Variants in SLC7A11 observed in about 807,000 individuals in gnomAD.
The protein encoded by SLC7A11 is cystine/glutamate transporter.
SLC7A11 carries 35 observed loss-of-function variants against 54.5 expected under a neutral mutation model. The ratio of observed to expected loss-of-function variants is 0.64; its 90% confidence interval spans 0.49 to 0.85. The LOEUF is 0.85. Among genes scored for constraint, SLC7A11 ranks in the 40% least tolerant of loss-of-function variants. The probability of loss-of-function intolerance (pLI) is 0.00; values close to 1 mark genes in which losing one functional copy is unlikely to be tolerated. For missense variants in SLC7A11, 583 were observed against 618.1 expected (o/e 0.94, Z 0.60); for synonymous variants, 230 against 225.2 (o/e 1.02, Z -0.19).
intron 6 of SLC7A11, among the ~76,000 whole-genome samples, chr4:138,194,909 C>A (rs1419570471): frequency 6.6e-6 from 1 of 152,130 alleles, no homozygotes; most frequent in African/African-American, 2.4e-5. Flanking sequence ...TAATAGAATT[C>A]TTTGAAAACT....
chr4:138,200,317 C>G (rs1737246528), intron 6 of SLC7A11, among the ~76,000 whole-genome samples: 2 of 152,080 alleles, frequency 1.3e-5, no homozygotes, highest in Admixed American at 6.6e-5. Flanking sequence ...TAATTGTAAA[C>G]TTTCTATTTT....
At chr4:138,217,939 T>A (rs967696548) in intron 5 of SLC7A11, among the ~76,000 whole-genome samples, 1 of 152,202 alleles carries the variant, frequency 6.6e-6, no homozygotes, top group Non-Finnish European at 1.5e-5. Context: ...AAATACTGAG[T>A]GATTCAAAAC....
intron 6 of SLC7A11, among the ~76,000 whole-genome samples, chr4:138,198,732 T>G (rs1737200327): frequency 6.6e-6 from 1 of 152,188 alleles, no homozygotes; most frequent in Admixed American, 6.6e-5. Flanking sequence ...ATATGAAATG[T>G]ATAATCCAGA....
chr4:138,229,750 T>C (rs973285485), intron 3 of SLC7A11, among the ~76,000 whole-genome samples: 3 of 152,222 alleles, frequency 2.0e-5, no homozygotes, highest in African/African-American at 7.2e-5. Flanking sequence ...TTATCTAGAC[T>C]TATAAAAACA....
rs1578622418 is a variant in SLC7A11 at position 138,169,845 on chromosome 4, C to G, written c.*2111G>C. ...GAATTATAAATCAAATTTTGAAAAC[C>G]CTATGCTAAGGAAGGAAGGAGTTAT... On this transcript the variant is annotated 3_prime_UTR_variant, in exon 12 of 12. Coordinates refer to ENST00000280612, the MANE Select transcript of SLC7A11 (RefSeq NM_014331.4). 2 of 151,656 alleles carry G rather than the reference C, an allele frequency of 1.3e-5. No homozygotes were observed. Among genetic ancestry groups the G allele is most frequent in the East Asian group, 3.9e-4 (2 of 5,148 alleles). 9.4% of individuals were successfully genotyped at this position (151,656 alleles called of 1,614,324 possible).
chr4:138,187,985 TAAAC>T (rs547916454), intron 6 of SLC7A11, among the ~76,000 whole-genome samples: 122 of 152,232 alleles, frequency 8.0e-4, no homozygotes, highest in African/African-American at 2.8e-3. Flanking sequence ...GCTTAAAATA[TAAAC>T]AAAGGAGAAA....
intron 6 of SLC7A11, among the ~76,000 whole-genome samples, chr4:138,207,579 C>T (rs1269648414): frequency 1.3e-5 from 2 of 152,032 alleles, no homozygotes; most frequent in African/African-American, 4.8e-5. Flanking sequence ...GTGGCACATG[C>T]TTGTAATTCC....
chr4:138,236,143 A>C (rs1738200625), intron 2 of SLC7A11, among the ~76,000 whole-genome samples, 182 bp downstream of exon 2: 1 of 152,196 alleles, frequency 6.6e-6, no homozygotes, highest in Admixed American at 6.5e-5. Flanking sequence ...GTCAGTGATA[A>C]AATTGCATTA....
chr4:138,170,279 C>CACACACAG lies in SLC7A11; in HGVS notation c.*1676_*1677insCTGTGTGT, dbSNP rs1736391646. 1 of 99,946 alleles carries CACACACAG rather than the reference C, an allele frequency of 1.0e-5. No homozygotes were observed. Among genetic ancestry groups the CACACACAG allele is most frequent in the East Asian group, 2.8e-4 (1 of 3,548 alleles). The allele number at this position is 99,946 out of a possible 1,614,324, so 6.2% of individuals were successfully genotyped here. A position where few individuals can be genotyped will look rare whatever the true frequency, so the allele number is the denominator to read the frequency against. ...ATATATATATATATATATACACACA[C>CACACACAG]ACACACACACACACATACACACACA... On this transcript the variant is annotated 3_prime_UTR_variant, in exon 12 of 12. Transcript: ENST00000280612.
chr4:138,199,251 G>A (rs1292275738), intron 6 of SLC7A11, among the ~76,000 whole-genome samples: 1 of 152,088 alleles, frequency 6.6e-6, no homozygotes, highest in African/African-American at 2.4e-5. Flanking sequence ...TTTATTTGAT[G>A]TGATTAAGAT....
At chr4:138,190,502 G>A (rs1174288410) in intron 6 of SLC7A11, among the ~76,000 whole-genome samples, 4 of 151,892 alleles carry the variant, frequency 2.6e-5, no homozygotes, top group Non-Finnish European at 5.9e-5. Context: ...TTTTCTGTAG[G>A]TCTGACCCAG....
At chr4:138,231,574 T>C (rs1430089327) in intron 3 of SLC7A11, among the ~76,000 whole-genome samples, 1 of 152,188 alleles carries the variant, frequency 6.6e-6, no homozygotes, top group Non-Finnish European at 1.5e-5. Flanking sequence ...AAGTTATCCT[T>C]TCCCATATTT....
At chr4:138,202,310 C>T (rs964245335) in intron 6 of SLC7A11, among the ~76,000 whole-genome samples, 6 of 152,108 alleles carry the variant, frequency 3.9e-5, no homozygotes, top group African/African-American at 1.4e-4. Context: ...TTAAGGTGAT[C>T]CCTTAAGTAG....
chr4:138,186,729 G>A (rs1372735119), intron 6 of SLC7A11, among the ~76,000 whole-genome samples: 1 of 152,088 alleles, frequency 6.6e-6, no homozygotes, highest in Non-Finnish European at 1.5e-5. Context: ...AGGATAAATG[G>A]CATAAAGCAA....
At chr4:138,229,787 G>C (rs2037026) in intron 3 of SLC7A11, among the ~76,000 whole-genome samples, 142,937 of 152,308 alleles carry the variant, frequency 0.94, 67,596 homozygotes, top group East Asian at 1. Context: ...ATTCATATAA[G>C]TTTAACTCCA....
intron 1 of SLC7A11, among the ~76,000 whole-genome samples, chr4:138,238,388 T>C (rs951836384): frequency 6.6e-6 from 1 of 152,210 alleles, no homozygotes; most frequent in African/African-American, 2.4e-5. Flanking sequence ...AAGTTCTATC[T>C]GTACTGCCAA....
In SLC7A11 at chr4:138,192,216, A is replaced by G. The variant is rs1261442329; in HGVS notation, c.792-6972T>C. Among the ~76,000 whole-genome samples the G allele has an allele frequency of 2.0e-5, 3 of 152,200 alleles. No homozygotes were observed. The East Asian group carries it at 5.8e-4, about 29-fold the overall frequency. ...ATTTATGAGAAGCAGCTACCAAAAC[A>G]GACACCACATTTCCCAGCCCCTCTT... On this transcript the variant is annotated intron_variant, in intron 6 of 11. Coordinates refer to ENST00000280612, the MANE Select transcript of SLC7A11 (RefSeq NM_014331.4).
chr4:138,232,224 T>C, intron 3 of SLC7A11, 43 bp downstream of exon 3: 1 of 1,243,322 alleles, frequency 8.0e-7, no homozygotes, highest in Non-Finnish European at 1.2e-6. Context: ...CAATCATTTT[T>C]GTGTTGTTTT....
chr4:138,171,723 C>A lies in SLC7A11; in HGVS notation c.*233G>T, dbSNP rs996027332. ...CCCCAATAGGTAGGTATCAGAGACTCAAGAATTGTGCGACTCATAGAATAA... is the reference window on the plus strand; with the variant it reads ...CCCCAATAGGTAGGTATCAGAGACTAAAGAATTGTGCGACTCATAGAATAA... On this transcript the variant is annotated 3_prime_UTR_variant, in exon 12 of 12. Coordinates refer to ENST00000280612, the MANE Select transcript of SLC7A11 (RefSeq NM_014331.4). 2.2e-6 allele frequency: 1 copy of A among 462,924 alleles called. No individual in the cohort carries two copies. Among genetic ancestry groups the A allele is most frequent in the Non-Finnish European group, 3.7e-6 (1 of 271,686 alleles). The allele number at this position is 462,924 out of a possible 1,614,324, so 28.7% of individuals were successfully genotyped here. A position where few individuals can be genotyped will look rare whatever the true frequency, so the allele number is the denominator to read the frequency against.
Sources: allele counts gnomAD v4.1 joint callset (sites outside exome capture counted in the v4.1 genomes callset), GRCh38; gene constraint gnomAD v4.1.1; transcripts MANE v1.5; gene names NCBI Gene and HGNC (gene_info 2026-07-23, HGNC 2026-07-21).